The following FSTL5 variants were observed in gnomAD, a reference collection of about 807,000 sequenced individuals.
FSTL5 encodes follistatin-related protein 5.
Under a neutral mutation model 89.1 loss-of-function variants are expected in FSTL5, and 62 were observed. The observed-to-expected ratio is 0.70, with a 90% CI of 0.57 to 0.86. FSTL5 has a LOEUF of 0.86. FSTL5 is among the 40% of genes least tolerant of loss of function. The probability of loss-of-function intolerance (pLI) is 0.00; values close to 1 mark genes in which losing one functional copy is unlikely to be tolerated. For synonymous variants in FSTL5, 383 were observed against 346.2 expected, an observed-to-expected ratio of 1.11 and a Z score of -1.18; for missense variants, 1,057 against 1,001.6, an observed-to-expected ratio of 1.06 and a Z score of -0.75.
At chr4:161,893,702 G>T (rs1280962171) in intron 4 of FSTL5, among the ~76,000 whole-genome samples, 2 of 152,156 alleles carry the variant, frequency 1.3e-5, no homozygotes, top group Non-Finnish European at 2.9e-5. Flanking sequence ...TTCCTAAATA[G>T]CTATATAAGG....
In FSTL5 at chr4:161,426,744, C is replaced by T. The variant is rs540534550; in HGVS notation, c.1841+28260G>A. The stretch of plus-strand genomic sequence containing the variant: ...GTAACTGTGAAGAAAAGTAAAACAA[C>T]CTTACTTTGTCTGATCTCTTGCTAT... On this transcript the variant is annotated intron_variant, in intron 15 of 15. Transcript: ENST00000306100. Among the ~76,000 whole-genome samples the T allele has an allele frequency of 3.9e-5, 6 of 152,214 alleles. No homozygotes were observed. The South Asian group carries it at 1.2e-3, about 32-fold the overall frequency.
intron 7 of FSTL5, among the ~76,000 whole-genome samples, chr4:161,641,685 T>G (rs1385248289): frequency 1.3e-5 from 2 of 151,884 alleles, no homozygotes; most frequent in Non-Finnish European, 2.9e-5. Context: ...AGAGACGTGG[T>G]TTCACCGTGT....
intron 4 of FSTL5, among the ~76,000 whole-genome samples, chr4:161,899,992 C>T (rs534068347): frequency 1.3e-5 from 2 of 151,942 alleles, no homozygotes; most frequent in Admixed American, 6.6e-5. Flanking sequence ...GTCAGGGGTT[C>T]GAGAACAGCC....
chr4:162,006,186 T>G (rs1319387694), intron 3 of FSTL5, among the ~76,000 whole-genome samples: 2 of 152,074 alleles, frequency 1.3e-5, no homozygotes, highest in African/African-American at 4.8e-5. Context: ...AATTTGCTTA[T>G]GCTTTATACT....
chr4:161,423,619 T>C (rs528376948), intron 15 of FSTL5, among the ~76,000 whole-genome samples: 1 of 152,226 alleles, frequency 6.6e-6, no homozygotes, highest in South Asian at 2.1e-4. Flanking sequence ...ATATTTTTCA[T>C]TCAATATTAG....
intron 3 of FSTL5, among the ~76,000 whole-genome samples, chr4:161,992,177 C>T (rs1736131181): frequency 6.6e-6 from 1 of 152,138 alleles, no homozygotes; most frequent in African/African-American, 2.4e-5. Context: ...AAGTAGGAGT[C>T]ACGAAAGAGA....
intron 2 of FSTL5, among the ~76,000 whole-genome samples, chr4:162,108,289 A>G (rs928599490): frequency 5.3e-5 from 8 of 152,098 alleles, no homozygotes; most frequent in Non-Finnish European, 1.0e-4. Flanking sequence ...ATATGCCTGC[A>G]TATTTTTATA....
intron 7 of FSTL5, among the ~76,000 whole-genome samples, chr4:161,639,941 C>T (rs907790430): frequency 6.6e-6 from 1 of 152,168 alleles, no homozygotes. Context: ...AGGGTCAGTG[C>T]CCTTTTCCTC....
chr4:161,628,776 C>T (rs948336379), intron 7 of FSTL5, among the ~76,000 whole-genome samples: 1 of 152,080 alleles, frequency 6.6e-6, no homozygotes, highest in South Asian at 2.1e-4. Flanking sequence ...CACAATTTTT[C>T]ACTTGCTCAT....
intron 8 of FSTL5, among the ~76,000 whole-genome samples, chr4:161,553,759 T>C (rs377409730): frequency 4.0e-5 from 6 of 151,424 alleles, no homozygotes; most frequent in African/African-American, 1.5e-4. Context: ...ATATTAGAGA[T>C]CCTGGAAAAA....
intron 3 of FSTL5, among the ~76,000 whole-genome samples, chr4:162,005,499 AT>A (rs1245355724): frequency 6.6e-6 from 1 of 152,162 alleles, no homozygotes; most frequent in African/African-American, 2.4e-5. Context: ...AAGCCAGAGA[AT>A]GTGAGTCAAA....
chr4:161,636,361 G>T (rs541388195), intron 7 of FSTL5, among the ~76,000 whole-genome samples: 1 of 151,320 alleles, frequency 6.6e-6, no homozygotes, highest in South Asian at 2.1e-4. Context: ...AAGTAATTAG[G>T]TGTCTTTCTA....
At chr4:161,704,422 C>A (rs1419018914) in intron 6 of FSTL5, among the ~76,000 whole-genome samples, 1 of 152,116 alleles carries the variant, frequency 6.6e-6, no homozygotes, top group Non-Finnish European at 1.5e-5. Flanking sequence ...ACAACCTTGG[C>A]AAAATACACT....
At chr4:162,156,676 A>T (rs1408122729) in intron 1 of FSTL5, among the ~76,000 whole-genome samples, 1 of 152,218 alleles carries the variant, frequency 6.6e-6, no homozygotes, top group Admixed American at 6.5e-5. Context: ...CTCAGTTATA[A>T]GTGGGAGCTA....
intron 4 of FSTL5, among the ~76,000 whole-genome samples, chr4:161,820,943 CAAA>C (rs33975990): frequency 5.0e-5 from 7 of 138,944 alleles, no homozygotes; most frequent in Non-Finnish European, 4.7e-5. Context: ...ATTGGTTGTC[CAAA>C]AAAAAAAAAA....
At chr4:162,123,913 T>C (rs966890246) in intron 1 of FSTL5, among the ~76,000 whole-genome samples, 1 of 151,588 alleles carries the variant, frequency 6.6e-6, no homozygotes, top group Non-Finnish European at 1.5e-5. Context: ...AGCAACATAG[T>C]GTTTTATAAT....
At chr4:161,848,123 T>A (rs1172471383) in intron 4 of FSTL5, among the ~76,000 whole-genome samples, 1 of 147,130 alleles carries the variant, frequency 6.8e-6, no homozygotes, top group African/African-American at 2.5e-5. Context: ...GAAAAGGTAA[T>A]CGTCTGCAGC....
chr4:162,097,806 C>T (rs1730825056), intron 2 of FSTL5, among the ~76,000 whole-genome samples: 1 of 151,764 alleles, frequency 6.6e-6, no homozygotes, highest in Non-Finnish European at 1.5e-5. Flanking sequence ...ATTAAAAAGA[C>T]CAAAACAGCA....
chr4:161,504,538 T>G (rs1411812748), intron 11 of FSTL5, among the ~76,000 whole-genome samples: 7 of 152,036 alleles, frequency 4.6e-5, no homozygotes, highest in African/African-American at 7.2e-5. Flanking sequence ...GTCTTTTTTT[T>G]GGGTTGATTG....
Sources: allele counts gnomAD v4.1 joint callset (sites outside exome capture counted in the v4.1 genomes callset), GRCh38; gene constraint gnomAD v4.1.1; transcripts MANE v1.5; gene names NCBI Gene and HGNC (gene_info 2026-07-23, HGNC 2026-07-21).